RHCG: variants seen among roughly 807,000 people sequenced by gnomAD.
RHCG encodes the protein ammonium transporter Rh type C.
RHCG carries 39 observed loss-of-function variants against 55.3 expected under a neutral mutation model. The observed-to-expected ratio is 0.70, with a 90% CI of 0.55 to 0.92. The LOEUF is 0.92. RHCG is among the 40% of genes least tolerant of loss of function. RHCG has a pLI of 0.00. For missense variants in RHCG, 635 were observed against 627.9 expected (o/e 1.01, Z -0.12); for synonymous variants, 250 against 246.8 (o/e 1.01, Z -0.12).
At chr15:89,486,009 A>G (rs1450457066) in intron 2 of RHCG, among the ~76,000 whole-genome samples, 1 of 152,050 alleles carries the variant, frequency 6.6e-6, no homozygotes, top group African/African-American at 2.4e-5. Context: ...TGAGGCTTGG[A>G]GGAGGTCACT....
intron 1 of RHCG, among the ~76,000 whole-genome samples, chr15:89,488,499 A>G (rs1233859774): frequency 6.6e-6 from 1 of 152,234 alleles, no homozygotes; most frequent in East Asian, 1.9e-4. Flanking sequence ...GATCAAAATT[A>G]ATATCACTCA....
chr15:89,486,394 C>T (rs536190792), intron 2 of RHCG: 3 of 456,318 alleles, frequency 6.6e-6, no homozygotes, highest in South Asian at 3.1e-5. Flanking sequence ...CAGGGCTGGG[C>T]GATTTTGATG....
At chr15:89,485,282 T>C (rs1596406150) in intron 2 of RHCG, among the ~76,000 whole-genome samples, 1 of 152,314 alleles carries the variant, frequency 6.6e-6, no homozygotes, top group East Asian at 1.9e-4. Flanking sequence ...ATACTTTGGA[T>C]CTATGGTTTT....
chr15:89,474,920 G>GA lies in RHCG; in HGVS notation c.1311+1834_1311+1835insT, dbSNP rs1567224008. 1.2e-4 allele frequency among the ~76,000 whole-genome samples: 10 copies of GA among 81,068 alleles called. 2 individuals carry two copies. Among genetic ancestry groups the GA allele is most frequent in the African/African-American group, 7.8e-4 (10 of 12,830 alleles). 53.2% of individuals were successfully genotyped at this position (81,068 alleles called of 152,430 possible). A position where few individuals can be genotyped will look rare whatever the true frequency, so the allele number is the denominator to read the frequency against. ...TTCCTTCCTGCCTGCCTTCCTTCCT[G>GA]CCTGCCTGCCTTCCTGCCTTCCTGC... On this transcript the variant is annotated intron_variant, in intron 9 of 10. Coordinates refer to ENST00000268122, the MANE Select transcript of RHCG (RefSeq NM_016321.3).
chr15:89,477,692 G>T lies in RHCG; in HGVS notation c.976-39C>A. On this transcript the variant is annotated intron_variant, in intron 6 of 10. Coordinates refer to ENST00000268122, the MANE Select transcript of RHCG (RefSeq NM_016321.3). This position sits in a 1 kb window ranked among gnomAD's most constrained non-coding sequence, Gnocchi z 4.5. ...GTGGGTGCTGCTCAGGCCGGGGGCT[G>T]CATCAAGGGTGTGGGGAGGCCGGGA... 1 of 1,610,820 alleles carries T rather than the reference G, an allele frequency of 6.2e-7. No individual in the cohort carries two copies. Among genetic ancestry groups the T allele is most frequent in the Non-Finnish European group, 8.5e-7 (1 of 1,177,586 alleles).
In RHCG at chr15:89,477,677, C is replaced by T; in HGVS notation, c.976-24G>A. 1 of 1,613,562 alleles carries T rather than the reference C, an allele frequency of 6.2e-7. No homozygotes were observed. Among genetic ancestry groups the T allele is most frequent in the African/African-American group, 1.3e-5 (1 of 75,006 alleles). On this transcript the variant is annotated intron_variant, in intron 6 of 10. Transcript: ENST00000268122. The surrounding 1 kb of genome is among the most constrained non-coding windows in gnomAD (Gnocchi z 4.5). ...GGCTGGAGACGGGAGGTGGGTGCTG[C>T]TCAGGCCGGGGGCTGCATCAAGGGT...
At chr15:89,492,480 C>T (rs1961494837) in intron 1 of RHCG, among the ~76,000 whole-genome samples, 1 of 152,198 alleles carries the variant, frequency 6.6e-6, no homozygotes, top group Admixed American at 6.5e-5. Context: ...CCCCAATTCC[C>T]CCAAGACTCC....
chr15:89,473,532 C>T (rs753715080), intron 9 of RHCG, among the ~76,000 whole-genome samples: 5 of 152,178 alleles, frequency 3.3e-5, no homozygotes, highest in Non-Finnish European at 5.9e-5. Context: ...GTACAGCCAG[C>T]CCTCCATACC....
Position 89,486,866 on chromosome 15 carries a change from A to G in RHCG, c.304T>C (p.Trp102Arg), listed in dbSNP as rs188721595. 5 of 1,612,364 alleles carry G rather than the reference A, an allele frequency of 3.1e-6. No individual in the cohort carries two copies. In the Admixed American group the frequency reaches 5.0e-5, roughly 16 times the overall value. Residue 102 changes from tryptophan (W) to arginine (R), a missense_variant, in exon 2 of 11, where the codon TGG (tryptophan) becomes CGG (arginine). By Grantham distance (101) the Trp-to-Arg change is moderately radical. Transcript: ENST00000268122. ...AACCAGCCCTGCATGAGCAGCGCCC[A>G]CTGGATGCCGAAGGCTGCCAACAGG... Reference protein sequence around the residue: ...NFLLAAFGIQWALLMQGWFHF... With the variant: ...NFLLAAFGIQRALLMQGWFHF...
intron 3 of RHCG, among the ~76,000 whole-genome samples, chr15:89,481,952 C>T (rs773374921): frequency 6.6e-6 from 1 of 152,160 alleles, no homozygotes; most frequent in Non-Finnish European, 1.5e-5. Flanking sequence ...CAGGCATGCG[C>T]CACTACACCC....
intron 4 of RHCG, among the ~76,000 whole-genome samples, 169 bp downstream of exon 4, chr15:89,480,092 C>T (rs1214597890): frequency 2.0e-5 from 3 of 152,182 alleles, no homozygotes; most frequent in East Asian, 3.9e-4. Flanking sequence ...ACTCTGTTTG[C>T]CCTTCCCCCA....
At chr15:89,475,699 C>T (rs1397755944) in intron 9 of RHCG, among the ~76,000 whole-genome samples, 3 of 152,124 alleles carry the variant, frequency 2.0e-5, no homozygotes, top group Non-Finnish European at 4.4e-5. Flanking sequence ...GATTCCTAAC[C>T]CAGGCTGGGT....
At chr15:89,478,646 G>A (rs1961203065) in intron 5 of RHCG, among the ~76,000 whole-genome samples, 1 of 152,152 alleles carries the variant, frequency 6.6e-6, no homozygotes, top group Non-Finnish European at 1.5e-5. Flanking sequence ...AGGTGGGTGT[G>A]GATACACACA....
chr15:89,483,108 G>A lies in RHCG; in HGVS notation c.481C>T (p.Leu161Phe), dbSNP rs1436085511. The A allele has an allele frequency of 6.2e-7, 1 of 1,606,784 alleles. No individual in the cohort carries two copies. The highest frequency in any genetic ancestry group is 1.3e-5 in the African/African-American group (1 of 74,930). ...AGAATGAACTCATTCACAGCGAAGA[G>A]GGTCACTTGGAAGAAAGTCATGATG... Reference protein sequence around the residue: ...LLIMTFFQVTLFAVNEFILLN... With the variant: ...LLIMTFFQVTFFAVNEFILLN... The change falls in exon 3 of 11, where the codon CTC (leucine) becomes TTC (phenylalanine). Residue 161 changes from leucine (L) to phenylalanine (F), a missense_variant. Physicochemically the swap from Leu to Phe is conservative, Grantham distance 22. Transcript: ENST00000268122.
rs781057523 is a variant in RHCG at position 89,476,808 on chromosome 15, A to C, written c.1258T>G (p.Phe420Val). 1.9e-6 allele frequency: 3 copies of C among 1,614,120 alleles called. No individual in the cohort carries two copies. The highest frequency in any genetic ancestry group is 2.5e-6 in the Non-Finnish European group (3 of 1,179,960). Reference protein sequence around the residue: ...IIVGLILRLPFWGQPSDENCF... With the variant: ...IIVGLILRLPVWGQPSDENCF... ...TTCTCATCTGAAGGTTGTCCCCAGA[A>C]TGGTAATCTCAAAATGAGCCCTACA... is the stretch of plus-strand genomic sequence containing the variant. The change falls in exon 9 of 11, where the codon TTC becomes GTC. Residue 420 changes from phenylalanine to valine, a missense_variant. Phe to Val is a conservative substitution (Grantham distance 50). Transcript: ENST00000268122.
At chr15:89,479,280 C>A (rs373044027) in intron 5 of RHCG, 42 bp downstream of exon 5, 80 of 1,585,954 alleles carry the variant, frequency 5.0e-5, no homozygotes, top group Non-Finnish European at 6.7e-5. Flanking sequence ...GCCCTCCAGG[C>A]CCAGGCAGTC....
At chr15:89,473,124 C>T (rs1259732914) in intron 9 of RHCG, among the ~76,000 whole-genome samples, 2 of 152,166 alleles carry the variant, frequency 1.3e-5, no homozygotes, top group African/African-American at 4.8e-5. Flanking sequence ...TGAGGCATTG[C>T]AGTGAAATAC....
intron 1 of RHCG, 30 bp from the exon 2 acceptor site, chr15:89,487,015 T>G: frequency 6.6e-7 from 1 of 1,519,916 alleles, no homozygotes; most frequent in Non-Finnish European, 8.9e-7. Context: ...CGGGACTCGG[T>G]GGTCTGGCGA....
At chr15:89,472,525 C>T (rs774569579) in intron 10 of RHCG, among the ~76,000 whole-genome samples, 186 bp downstream of exon 10, 3 of 152,188 alleles carry the variant, frequency 2.0e-5, no homozygotes, top group Non-Finnish European at 2.9e-5. Flanking sequence ...CCTGGATGCA[C>T]GTTGTCTGAC....
Sources: gnomAD v4.1 joint callset for allele counts (sites outside exome capture counted in the v4.1 genomes callset) on GRCh38, gnomAD v4.1.1 for gene constraint, Gnocchi (gnomAD v3.1) non-coding constraint, MANE v1.5 for transcripts, NCBI Gene and HGNC (gene_info 2026-07-23, HGNC 2026-07-21) for gene names.